The following ANKRD6 variants were observed in gnomAD, a reference collection of about 807,000 sequenced individuals.
ANKRD6 encodes the protein ankyrin repeat domain 6.
Under a neutral mutation model 82.3 loss-of-function variants are expected in ANKRD6, and 56 were observed. The observed-to-expected ratio is 0.68, with a 90% CI of 0.55 to 0.85. The LOEUF (loss-of-function observed/expected upper bound fraction) is 0.85. ANKRD6 is among the 40% of genes least tolerant of loss of function. The pLI is 0.00. For missense variants in ANKRD6, 852 were observed against 907.6 expected (o/e 0.94, Z 0.79); for synonymous variants, 347 against 352.1 (o/e 0.99, Z 0.16).
chr6:89,606,176 A>T (rs963694476), intron 5 of ANKRD6, 71 bp downstream of exon 5: 2 of 1,293,452 alleles, frequency 1.5e-6, no homozygotes, highest in Non-Finnish European at 2.1e-6. Flanking sequence ...CCCCTGTGGG[A>T]GCCTTCTTCC....
chr6:89,604,329 C>CA (rs1215491878), intron 4 of ANKRD6, among the ~76,000 whole-genome samples: 28 of 144,308 alleles, frequency 1.9e-4, no homozygotes, highest in Middle Eastern at 3.7e-3. Context: ...ACTCTTGTCT[C>CA]AAAAAAAAAA....
rs1259578725 is a variant in ANKRD6, at chr6:89,493,584, A to AT, written c.-144+60218dup. ...ACTATCATGCCCAGCTAATTTTTAAATTTTTTTTTGTAAAGACAGGGCCTC... is the reference window on the plus strand; with the variant it reads ...ACTATCATGCCCAGCTAATTTTTAAATTTTTTTTTTGTAAAGACAGGGCCTC... On this transcript the variant is annotated intron_variant, in intron 1 of 15. Transcript: ENST00000339746. Among the ~76,000 whole-genome samples, 6 of 151,118 alleles carry AT rather than the reference A, an allele frequency of 4.0e-5. 1 individual carries two copies. The highest frequency in any genetic ancestry group is 1.2e-4 in the African/African-American group (5 of 41,082).
At chr6:89,594,047 A>T (rs1016825276) in intron 2 of ANKRD6, among the ~76,000 whole-genome samples, 2 of 152,216 alleles carry the variant, frequency 1.3e-5, no homozygotes, top group African/African-American at 4.8e-5. Context: ...CTGGGTGCCC[A>T]TCAGGAGGAG....
chr6:89,442,039 C>T (rs1458258616), intron 1 of ANKRD6, among the ~76,000 whole-genome samples: 1 of 152,050 alleles, frequency 6.6e-6, no homozygotes, highest in Non-Finnish European at 1.5e-5. Context: ...CACTCTGTCG[C>T]CCAGGCTGGA....
intron 1 of ANKRD6, among the ~76,000 whole-genome samples, chr6:89,563,575 G>C (rs1392039331): frequency 6.6e-6 from 1 of 152,222 alleles, no homozygotes; most frequent in African/African-American, 2.4e-5. Context: ...TCAGATATAA[G>C]GAGGGGATGA....
chr6:89,560,798 G>C (rs1787290661), intron 1 of ANKRD6: 1 of 152,244 alleles, frequency 6.6e-6, no homozygotes, highest in Non-Finnish European at 1.5e-5. Flanking sequence ...ACTGTAGCCT[G>C]GGGGGACAAG....
chr6:89,612,608 A>T (rs143635376), intron 6 of ANKRD6, among the ~76,000 whole-genome samples: 8 of 152,238 alleles, frequency 5.3e-5, no homozygotes. Context: ...TTCATGCCTC[A>T]TCTTTGGTTT....
At chr6:89,470,726 G>C (rs150062640) in intron 1 of ANKRD6, among the ~76,000 whole-genome samples, 1 of 152,084 alleles carries the variant, frequency 6.6e-6, no homozygotes, top group African/African-American at 2.4e-5. Context: ...CAGCACTATA[G>C]TGAACATCTT....
At chr6:89,606,796 C>T (rs1228063664) in intron 5 of ANKRD6, among the ~76,000 whole-genome samples, 7 of 150,190 alleles carry the variant, frequency 4.7e-5, no homozygotes, top group Non-Finnish European at 8.8e-5. Flanking sequence ...GCAGAGGTTA[C>T]AGTGAGCCAA....
intron 2 of ANKRD6, among the ~76,000 whole-genome samples, chr6:89,588,207 A>G (rs1197317570): frequency 6.6e-6 from 1 of 152,142 alleles, no homozygotes; most frequent in African/African-American, 2.4e-5. Flanking sequence ...TCTGCCAGAA[A>G]TAAGATTGGA....
At chr6:89,542,509 C>A (rs528554978) in intron 1 of ANKRD6, among the ~76,000 whole-genome samples, 1 of 152,102 alleles carries the variant, frequency 6.6e-6, no homozygotes, top group Admixed American at 6.5e-5. Flanking sequence ...TGACCACCCC[C>A]CCGCTTCCCG....
At chr6:89,441,032 C>G (rs986453237) in intron 1 of ANKRD6, among the ~76,000 whole-genome samples, 1 of 152,110 alleles carries the variant, frequency 6.6e-6, no homozygotes, top group Non-Finnish European at 1.5e-5. Context: ...TCACTAGATA[C>G]AAAATTAGTA....
intron 1 of ANKRD6, among the ~76,000 whole-genome samples, chr6:89,440,507 G>A (rs1359312286): frequency 6.6e-6 from 1 of 152,190 alleles, no homozygotes; most frequent in Non-Finnish European, 1.5e-5. Context: ...CCTGCTTTTA[G>A]CAAATAGGGG....
intron 1 of ANKRD6, among the ~76,000 whole-genome samples, chr6:89,485,047 G>A (rs1263156741): frequency 6.6e-6 from 1 of 152,168 alleles, no homozygotes; most frequent in African/African-American, 2.4e-5. Context: ...GGCACTAATG[G>A]TTTGGGAACC....
At chr6:89,524,335 ATAT>A (rs1246746412) in intron 1 of ANKRD6, among the ~76,000 whole-genome samples, 1 of 151,928 alleles carries the variant, frequency 6.6e-6, no homozygotes, top group African/African-American at 2.4e-5. Context: ...AAAGTCCACT[ATAT>A]TATTCTTATG....
intron 1 of ANKRD6, among the ~76,000 whole-genome samples, chr6:89,459,635 A>G (rs972307543): frequency 6.6e-6 from 1 of 152,144 alleles, no homozygotes; most frequent in Non-Finnish European, 1.5e-5. Context: ...GAGTAGCTAG[A>G]ACTATACAGG....
intron 1 of ANKRD6, among the ~76,000 whole-genome samples, chr6:89,493,361 CTG>C (rs763443066): frequency 1.3e-4 from 20 of 152,002 alleles, no homozygotes; most frequent in Non-Finnish European, 2.5e-4. Context: ...CTTTTGTCTT[CTG>C]TGTGTCTCTG....
At chr6:89,548,159 C>T (rs188646356) in intron 1 of ANKRD6, among the ~76,000 whole-genome samples, 1 of 152,276 alleles carries the variant, frequency 6.6e-6, no homozygotes, top group East Asian at 1.9e-4. Context: ...TTTACATCAC[C>T]CTAAAAAGAC....
intron 5 of ANKRD6, among the ~76,000 whole-genome samples, chr6:89,610,369 G>T (rs545666300): frequency 4.8e-4 from 73 of 152,086 alleles, no homozygotes; most frequent in Non-Finnish European, 8.7e-4. Flanking sequence ...TCTGTGTGTG[G>T]CTTCTTAAAC....
Sources: gnomAD v4.1 joint callset for allele counts (sites outside exome capture counted in the v4.1 genomes callset) on GRCh38, gnomAD v4.1.1 for gene constraint, MANE v1.5 for transcripts, NCBI Gene and HGNC (gene_info 2026-07-23, HGNC 2026-07-21) for gene names.